The following CDH4 variants were observed in gnomAD, a reference collection of about 807,000 sequenced individuals.
CDH4 encodes the protein cadherin-4.
A neutral mutation model predicts 86.0 loss-of-function variants in CDH4; 33 were observed. The ratio of observed to expected loss-of-function variants is 0.38; its 90% CI spans 0.29 to 0.51. The LOEUF (loss-of-function observed/expected upper bound fraction) is 0.51, where lower values mean the gene tolerates loss of function less well. Ranked by LOEUF, CDH4 falls within the 20% of genes least tolerant of loss-of-function variation. CDH4 has a pLI of 0.86. For missense variants in CDH4, 1,114 were observed against 1,307.4 expected (o/e 0.85, Z 2.28); for synonymous variants, 555 against 549.4 (o/e 1.01, Z -0.14).
At chr20:61,444,004 ATATC>A (rs1167088338) in intron 2 of CDH4, among the ~76,000 whole-genome samples, 1 of 140,222 alleles carries the variant, frequency 7.1e-6, no homozygotes, top group African/African-American at 2.7e-5. Flanking sequence ...ATATGTGTCT[ATATC>A]TGTGTGTGTC....
chr20:61,805,838 A>T (rs1416723464), intron 4 of CDH4, among the ~76,000 whole-genome samples: 1 of 152,204 alleles, frequency 6.6e-6, no homozygotes, highest in Non-Finnish European at 1.5e-5. Flanking sequence ...AGCTCCACAA[A>T]GCAGATTTAA....
chr20:61,599,852 C>A, intron 2 of CDH4: 1 of 985,546 alleles, frequency 1.0e-6, no homozygotes. Context: ...CGCTTCCCTT[C>A]GCCGCACACA....
intron 7 of CDH4, among the ~76,000 whole-genome samples, chr20:61,890,777 G>C (rs912905873): frequency 6.6e-6 from 1 of 152,106 alleles, no homozygotes; most frequent in Non-Finnish European, 1.5e-5. Context: ...ATTCATCTTG[G>C]TAAATGTCAG....
chr20:61,871,328 C>T (rs149557964), intron 6 of CDH4, among the ~76,000 whole-genome samples: 4 of 152,282 alleles, frequency 2.6e-5, no homozygotes, highest in African/African-American at 7.2e-5. Context: ...CAGCTTCCAT[C>T]GTTCCTGTTG....
chr20:61,647,645 C>T (rs1447004400), intron 2 of CDH4, among the ~76,000 whole-genome samples: 2 of 150,180 alleles, frequency 1.3e-5, no homozygotes, highest in Non-Finnish European at 3.0e-5. Flanking sequence ...AGATCTTCCC[C>T]ACCAGGCTGA....
At position 61,681,309 on chromosome 20, in the gene CDH4, T is replaced by C. The variant is rs1881991658; in HGVS notation, c.170-62254T>C. Among the ~76,000 whole-genome samples the C allele has an allele frequency of 6.6e-6, 1 of 152,260 alleles. No homozygotes were observed. The highest frequency in any genetic ancestry group is 1.5e-5 in the Non-Finnish European group (1 of 68,048). The stretch of plus-strand genomic sequence containing the variant: ...TGCAAGGCTTGGTATGAATTTTCTC[T>C]TTTGTCCAAATCATACAAAATACTC... On this transcript the variant is annotated intron_variant, in intron 2 of 15. Transcript: ENST00000614565. This position sits in a 1 kb window ranked among gnomAD's most constrained non-coding sequence, Gnocchi z 4.5.
intron 2 of CDH4, among the ~76,000 whole-genome samples, chr20:61,326,442 C>T (rs1277500851): frequency 6.6e-6 from 1 of 152,176 alleles, no homozygotes; most frequent in African/African-American, 2.4e-5. Context: ...GATAGTCTAG[C>T]CAGAGGAGGA....
At chr20:61,468,400 T>TTTTTTA (rs1322133057) in intron 2 of CDH4, among the ~76,000 whole-genome samples, 1 of 152,194 alleles carries the variant, frequency 6.6e-6, no homozygotes, top group East Asian at 1.9e-4. Flanking sequence ...CTTTTTAACA[T>TTTTTTA]TTTTTTATTT....
At chr20:61,766,706 C>T (rs1243859955) in intron 3 of CDH4, among the ~76,000 whole-genome samples, 1 of 152,182 alleles carries the variant, frequency 6.6e-6, no homozygotes, top group East Asian at 1.9e-4. Context: ...TGCTTTCCTT[C>T]CAGGCCCCAA....
intron 4 of CDH4, among the ~76,000 whole-genome samples, chr20:61,793,162 A>G (rs1376128058): frequency 6.6e-6 from 1 of 150,966 alleles, no homozygotes; most frequent in Non-Finnish European, 1.5e-5. Flanking sequence ...ACCGGTTATC[A>G]CCATGTTGGC....
intron 2 of CDH4, among the ~76,000 whole-genome samples, chr20:61,265,415 C>A (rs1024873973): frequency 2.0e-5 from 3 of 152,148 alleles, no homozygotes; most frequent in Non-Finnish European, 4.4e-5. Context: ...ACACATATCT[C>A]ATTGGCTCCT....
intron 2 of CDH4, among the ~76,000 whole-genome samples, chr20:61,537,974 G>C (rs911870424): frequency 6.6e-6 from 1 of 152,150 alleles, no homozygotes; most frequent in Admixed American, 6.5e-5. Flanking sequence ...AGGCCAACCC[G>C]GCCACATTGC....
chr20:61,751,749 A>G (rs1361747414), intron 3 of CDH4, among the ~76,000 whole-genome samples: 1 of 152,228 alleles, frequency 6.6e-6, no homozygotes, highest in Non-Finnish European at 1.5e-5. Context: ...TAAAATATTT[A>G]CCATCTGGCC....
At chr20:61,412,924 GGGCTGTTTCCA>G (rs1219793721) in intron 2 of CDH4, among the ~76,000 whole-genome samples, 1 of 152,186 alleles carries the variant, frequency 6.6e-6, no homozygotes, top group Non-Finnish European at 1.5e-5. Flanking sequence ...AGACCCTGAG[GGGCTGTTTCCA>G]GAGGAAGGAG....
chr20:61,641,205 A>G (rs1164971973), intron 2 of CDH4, among the ~76,000 whole-genome samples: 4 of 152,142 alleles, frequency 2.6e-5, no homozygotes, highest in Admixed American at 1.3e-4. Context: ...GAAAGCCTCG[A>G]TGTAGCTATG....
intron 2 of CDH4, among the ~76,000 whole-genome samples, chr20:61,320,015 T>C (rs768054126): frequency 2.0e-5 from 3 of 151,742 alleles, no homozygotes; most frequent in African/African-American, 7.3e-5. Flanking sequence ...CAGCCAATGG[T>C]ATTTTGTTGA....
intron 2 of CDH4, among the ~76,000 whole-genome samples, chr20:61,460,895 T>C (rs2085438180): frequency 6.6e-6 from 1 of 152,176 alleles, no homozygotes; most frequent in African/African-American, 2.4e-5. Flanking sequence ...TGTTATTCCC[T>C]GGTGGCTCTC....
At chr20:61,831,215 G>C (rs1317313350) in intron 4 of CDH4, among the ~76,000 whole-genome samples, 1 of 152,192 alleles carries the variant, frequency 6.6e-6, no homozygotes, top group Non-Finnish European at 1.5e-5. Flanking sequence ...CTGGCACTGG[G>C]AACATGCCCT....
At chr20:61,275,867 C>G (rs2084228816) in intron 2 of CDH4, among the ~76,000 whole-genome samples, 1 of 152,104 alleles carries the variant, frequency 6.6e-6, no homozygotes, top group Non-Finnish European at 1.5e-5. Context: ...CTCAACTTGC[C>G]TTCTCCCAGT....
Sources: allele counts gnomAD v4.1 joint callset (sites outside exome capture counted in the v4.1 genomes callset), GRCh38; gene constraint gnomAD v4.1.1; non-coding constraint Gnocchi (gnomAD v3.1); transcripts MANE v1.5; gene names NCBI Gene and HGNC (gene_info 2026-07-23, HGNC 2026-07-21).